ANO2: variants seen among roughly 807,000 people sequenced by gnomAD.
ANO2 encodes the protein anoctamin 2.
Under a neutral mutation model 124.2 loss-of-function variants are expected in ANO2, and 101 were observed. The ratio of observed to expected loss-of-function variants is 0.81; its 90% CI spans 0.69 to 0.96. The LOEUF (loss-of-function observed/expected upper bound fraction) is 0.96, where lower values mean the gene tolerates loss of function less well. Ranked by LOEUF, ANO2 falls within the 40% of genes least tolerant of loss-of-function variation. ANO2 has a pLI of 0.00. For missense variants in ANO2, 1,293 were observed against 1,274.5 expected (o/e 1.01, Z -0.22); for synonymous variants, 486 against 482.5 (o/e 1.01, Z -0.09).
intron 16 of ANO2, among the ~76,000 whole-genome samples, chr12:5,624,783 T>G (rs529566503): frequency 6.6e-6 from 1 of 151,938 alleles, no homozygotes; most frequent in South Asian, 2.1e-4. Context: ...GCGGTGAGTG[T>G]TGAAGGAATA....
intron 14 of ANO2, among the ~76,000 whole-genome samples, chr12:5,692,523 C>T (rs1948987463): frequency 6.6e-6 from 1 of 152,136 alleles, no homozygotes; most frequent in African/African-American, 2.4e-5. Flanking sequence ...AGCCCTTCCC[C>T]TATGGCCAAG....
At chr12:5,804,280 G>A (rs1030275655) in intron 9 of ANO2, among the ~76,000 whole-genome samples, 9 of 152,198 alleles carry the variant, frequency 5.9e-5, no homozygotes, top group African/African-American at 9.6e-5. Context: ...TAGCCCTGCC[G>A]TGAGAATCTC....
chr12:5,906,269 C>A (rs1442148233), intron 3 of ANO2, among the ~76,000 whole-genome samples: 1 of 150,434 alleles, frequency 6.6e-6, no homozygotes, highest in Non-Finnish European at 1.5e-5. Context: ...AATGTATTAT[C>A]TTTGCTAGGC....
At chr12:5,576,150 C>A in intron 22 of ANO2, 135 bp from the exon 23 acceptor site, 2 of 867,356 alleles carry the variant, frequency 2.3e-6, no homozygotes, top group Non-Finnish European at 1.7e-6. Context: ...TCCCTGAGCT[C>A]ATGCAGCTGA....
chr12:5,614,098 G>A (rs1369504690), intron 17 of ANO2, among the ~76,000 whole-genome samples: 2 of 152,222 alleles, frequency 1.3e-5, no homozygotes, highest in African/African-American at 4.8e-5. Flanking sequence ...CTTTCCTGAT[G>A]TTGTTGGTTG....
chr12:5,857,216 C>G (rs1041395541), intron 3 of ANO2, among the ~76,000 whole-genome samples: 1 of 152,198 alleles, frequency 6.6e-6, no homozygotes, highest in East Asian at 1.9e-4. Context: ...CCATTCTGCC[C>G]TGCCTGTGGA....
intron 14 of ANO2, among the ~76,000 whole-genome samples, chr12:5,672,571 C>G (rs251762): frequency 1 from 151,735 of 152,354 alleles, 75,562 homozygotes; most frequent in Middle Eastern, 1. Flanking sequence ...TGGTTTAAGG[C>G]AGTCAGCTCG....
intron 3 of ANO2, among the ~76,000 whole-genome samples, chr12:5,857,274 C>T (rs1028149402): frequency 1.3e-5 from 2 of 152,182 alleles, no homozygotes; most frequent in African/African-American, 4.8e-5. Flanking sequence ...CTTGGAGCTT[C>T]CAAGTTAGAC....
chr12:5,739,884 A>G (rs1342178009), intron 12 of ANO2: 2 of 456,152 alleles, frequency 4.4e-6, no homozygotes, highest in Non-Finnish European at 8.8e-6. Flanking sequence ...CTGAGGTTAC[A>G]TAACAGTCTC....
intron 3 of ANO2, among the ~76,000 whole-genome samples, chr12:5,878,208 C>A (rs545649845): frequency 1.3e-5 from 2 of 152,132 alleles, no homozygotes; most frequent in African/African-American, 2.4e-5. Flanking sequence ...CCAGATTGTG[C>A]GTGATGTATT....
At chr12:5,890,652 G>A (rs964238076) in intron 3 of ANO2, among the ~76,000 whole-genome samples, 1 of 152,238 alleles carries the variant, frequency 6.6e-6, no homozygotes, top group African/African-American at 2.4e-5. Context: ...ATAAAGGCAT[G>A]CATAGGAAAC....
Position 5,612,642 on chromosome 12 carries a change from AG to A in ANO2, c.2087+13del, listed in dbSNP as rs1944598254. ...TGGCAGCAAGGAGAGAGGTTAGAGG[AG>A]TTCATTACATACGGGACTCCAATCT... On this transcript the variant is annotated intron_variant, in intron 19 of 24. Coordinates refer to ENST00000682330, the MANE Select transcript of ANO2 (RefSeq NM_001364791.2). 1.2e-6 allele frequency: 2 copies of A among 1,610,524 alleles called. No individual in the cohort carries two copies. The highest frequency in any genetic ancestry group is 1.7e-6 in the Non-Finnish European group (2 of 1,176,820).
chr12:5,624,113 G>A (rs1945267231), intron 16 of ANO2, among the ~76,000 whole-genome samples: 2 of 152,168 alleles, frequency 1.3e-5, no homozygotes, highest in Non-Finnish European at 1.5e-5. Flanking sequence ...GAGTCAGAAA[G>A]GTAACTCTTG....
intron 15 of ANO2, among the ~76,000 whole-genome samples, chr12:5,638,386 C>T (rs1343659286): frequency 6.7e-6 from 1 of 148,464 alleles, no homozygotes; most frequent in African/African-American, 2.5e-5. Context: ...CAGGCACCTG[C>T]CACCACTCCT....
intron 3 of ANO2, among the ~76,000 whole-genome samples, chr12:5,857,188 C>T (rs1955124222): frequency 6.6e-6 from 1 of 152,142 alleles, no homozygotes; most frequent in Admixed American, 6.5e-5. Flanking sequence ...TTCCTTGTCC[C>T]CCAGGCCACT....
Position 5,647,795 on chromosome 12 carries a change from C to T in ANO2, c.1552G>A (p.Glu518Lys). Residue 518 changes from glutamate (E) to lysine (K), a missense_variant, in exon 15 of 25, where the codon GAA (glutamate) becomes AAA (lysine). Coordinates refer to ENST00000682330, the MANE Select transcript of ANO2 (RefSeq NM_001364791.2). ...CGATCCTTCCAGGTCAGTTTATCTTCATCATCCTGGGGAGAAACGGGAGAG... is the reference window on the plus strand; with the variant it reads ...CGATCCTTCCAGGTCAGTTTATCTTTATCATCCTGGGGAGAAACGGGAGAG... Reference protein sequence around the residue: ...NTTECGDEDDEDKLTWKDRFP... With the variant: ...NTTECGDEDDKDKLTWKDRFP... 1 of 1,608,800 alleles carries T rather than the reference C, an allele frequency of 6.2e-7. No homozygotes were observed. The highest frequency in any genetic ancestry group is 8.5e-7 in the Non-Finnish European group (1 of 1,177,730).
chr12:5,822,384 G>A (rs1334897438), intron 7 of ANO2, among the ~76,000 whole-genome samples: 2 of 152,202 alleles, frequency 1.3e-5, no homozygotes, highest in Non-Finnish European at 2.9e-5. Context: ...CAGCAGTGGA[G>A]TGGACAGGAT....
chr12:5,780,342 T>C (rs1429805559), intron 10 of ANO2, among the ~76,000 whole-genome samples: 1 of 152,182 alleles, frequency 6.6e-6, no homozygotes, highest in East Asian at 1.9e-4. Context: ...AATGGCGAAA[T>C]TTTGCACCAA....
At chr12:5,739,500 AT>A in intron 12 of ANO2, 101 bp from the exon 13 acceptor site, 1 of 936,956 alleles carries the variant, frequency 1.1e-6, no homozygotes, top group Non-Finnish European at 1.6e-6. Flanking sequence ...GCTATTTTAA[AT>A]TTAGGAGCTC....
Sources: allele counts gnomAD v4.1 joint callset (sites outside exome capture counted in the v4.1 genomes callset), GRCh38; gene constraint gnomAD v4.1.1; transcripts MANE v1.5; gene names NCBI Gene and HGNC (gene_info 2026-07-23, HGNC 2026-07-21).